HECW2: variants seen among roughly 807,000 people sequenced by gnomAD.
HECW2 encodes the protein HECT, C2 and WW domain containing E3 ubiquitin protein ligase 2.
In HECW2, 61 loss-of-function variants were observed where a neutral mutation model predicts 175.2. The observed-to-expected ratio is 0.35, with a 90% CI of 0.28 to 0.43. HECW2 has a LOEUF of 0.43. HECW2 is among the 20% of genes least tolerant of loss of function. HECW2 has a pLI of 1.00. For synonymous variants in HECW2, 671 were observed against 731.0 expected (o/e 0.92, Z 1.32); for missense variants, 1,524 against 2,000.5 (o/e 0.76, Z 4.54).
intron 14 of HECW2, among the ~76,000 whole-genome samples, chr2:196,281,577 T>C (rs571096140): frequency 6.3e-4 from 88 of 139,410 alleles, no homozygotes; most frequent in African/African-American, 2.2e-3. Context: ...GAGGTGGTGA[T>C]TGCAGTGAGC....
At chr2:196,245,624 T>TG (rs1688618201) in intron 19 of HECW2, among the ~76,000 whole-genome samples, 1 of 152,058 alleles carries the variant, frequency 6.6e-6, no homozygotes, top group African/African-American at 2.4e-5. Context: ...CCCACGTAAG[T>TG]GTTAGCTGTT....
rs534547325 is a variant in HECW2, at chr2:196,588,561, A to C, written c.-36+4947T>G. 1.1e-3 allele frequency among the ~76,000 whole-genome samples: 172 copies of C among 152,362 alleles called. 1 individual carries two copies. Among genetic ancestry groups the C allele is most frequent in the Non-Finnish European group, 1.8e-3 (125 of 68,034 alleles). On this transcript the variant is annotated intron_variant, in intron 1 of 28. Coordinates refer to ENST00000644978, the MANE Select transcript of HECW2 (RefSeq NM_001348768.2). ...AATGAAAGAGATAAGGAAGGGCATA[A>C]ATTTCCAATTACCAGGACTTCTTAA...
intron 3 of HECW2, among the ~76,000 whole-genome samples, chr2:196,334,788 A>G (rs1160070901): frequency 6.6e-6 from 1 of 152,234 alleles, no homozygotes; most frequent in African/African-American, 2.4e-5. Flanking sequence ...GAATGGGACT[A>G]GCTGGCATTT....
chr2:196,237,081 T>C (rs768335137), intron 21 of HECW2, among the ~76,000 whole-genome samples: 16 of 152,220 alleles, frequency 1.1e-4, no homozygotes, highest in Non-Finnish European at 1.9e-4. Context: ...CCAAATTACA[T>C]CATGTGCCTA....
rs1689125487 is a variant in HECW2 at position 196,257,867 on chromosome 2, T to G, written c.3375A>C (p.Gly1125=). The G allele has an allele frequency of 6.2e-7, 1 of 1,613,968 alleles. No individual in the cohort carries two copies. Among genetic ancestry groups the G allele is most frequent in the African/African-American group, 1.3e-5 (1 of 74,922 alleles). ...IQFIRTEGTP[G]LVRLSSDADL... ...CTGCATCGCTTGAAAGGCGCACCAA[T>G]CCTGGAGTCCCTTCAGTTCGGATAA... The change falls in exon 18 of 29, where the codon GGA becomes GGC. Residue 1125 remains glycine, a synonymous_variant. Transcript: ENST00000644978.
intron 20 of HECW2, among the ~76,000 whole-genome samples, chr2:196,240,766 G>GTAAA (rs5837496): frequency 0.86 from 129,318 of 149,856 alleles, 56,427 homozygotes; most frequent in East Asian, 0.99. Flanking sequence ...AGAATCATTG[G>GTAAA]TAGAGTACCC....
At chr2:196,242,606 T>C (rs958445685) in intron 19 of HECW2, 1 of 160,886 alleles carries the variant, frequency 6.2e-6, no homozygotes, top group Admixed American at 6.3e-5. Context: ...AAGTACATGG[T>C]ATATAAGTAA....
At position 196,307,211 on chromosome 2, in the gene HECW2, T is replaced by C. The variant is rs748120551; in HGVS notation, c.2608A>G (p.Met870Val). The C allele has an allele frequency of 6.2e-7, 1 of 1,612,982 alleles. No individual in the cohort carries two copies. The highest frequency in any genetic ancestry group is 1.7e-5 in the Admixed American group (1 of 60,030). ...TTTTCCTCAGGCCTCTCATTGGTCATGGTTCTGCGGATACTCTGATATCTA... is the reference window on the plus strand; with the variant it reads ...TTTTCCTCAGGCCTCTCATTGGTCACGGTTCTGCGGATACTCTGATATCTA... ...NRRYQSIRRT[M>V]TNERPEENTN... The change falls in exon 12 of 29, where the codon ATG becomes GTG. Residue 870 changes from methionine (M) to valine (V), a missense_variant. Physicochemically the swap from Met to Val is conservative, Grantham distance 21 (BLOSUM62 1). This residue lies in a region of HECW2 where 105 missense variants were observed against 98.1 expected (regional missense o/e 1.07). Coordinates refer to ENST00000644978, the MANE Select transcript of HECW2 (RefSeq NM_001348768.2).
chr2:196,550,438 T>A (rs1689573157), intron 1 of HECW2, among the ~76,000 whole-genome samples: 1 of 151,672 alleles, frequency 6.6e-6, no homozygotes, highest in Non-Finnish European at 1.5e-5. Context: ...AAAAAAAAAA[T>A]TAAGAAACAT....
chr2:196,324,749 T>C (rs1022886915), intron 6 of HECW2, among the ~76,000 whole-genome samples: 15 of 152,194 alleles, frequency 9.9e-5, no homozygotes, highest in African/African-American at 3.4e-4. Flanking sequence ...ATTTTAACAA[T>C]TGAGTTTTTT....
intron 3 of HECW2, among the ~76,000 whole-genome samples, chr2:196,340,204 C>G (rs1692696167): frequency 6.6e-6 from 1 of 152,114 alleles, no homozygotes; most frequent in Non-Finnish European, 1.5e-5. Flanking sequence ...AATCTCTTCA[C>G]AATTTTAAAA....
At chr2:196,203,171 G>A (rs970751339) in intron 28 of HECW2, among the ~76,000 whole-genome samples, 4 of 152,054 alleles carry the variant, frequency 2.6e-5, no homozygotes, top group South Asian at 4.1e-4. Context: ...AGATAGTACC[G>A]ACTCACCCAC....
chr2:196,546,481 C>A (rs1689426924), intron 1 of HECW2, among the ~76,000 whole-genome samples: 1 of 152,206 alleles, frequency 6.6e-6, no homozygotes, highest in Admixed American at 6.5e-5. Flanking sequence ...TGGTTTCAAG[C>A]ATCAAGGAAG....
intron 1 of HECW2, among the ~76,000 whole-genome samples, chr2:196,573,874 A>AC (rs1690469141): frequency 1.3e-5 from 2 of 152,070 alleles, no homozygotes; most frequent in Non-Finnish European, 2.9e-5. Context: ...CAACAACAAA[A>AC]AAAAAACAGT....
chr2:196,318,087 A>G (rs1691770890), intron 9 of HECW2, among the ~76,000 whole-genome samples: 1 of 152,242 alleles, frequency 6.6e-6, no homozygotes, highest in Non-Finnish European at 1.5e-5. Flanking sequence ...TTTGCAGATT[A>G]CACTAAGGTT....
rs1185069526 is a variant in HECW2 at position 196,312,768 on chromosome 2, T to G, written c.2434+4506A>C. ...AGTTGCATATTTGGCACTTTAATCTTCAATTTTTAATAAGGTAGCTTTTTA... is the reference window on the plus strand; with the variant it reads ...AGTTGCATATTTGGCACTTTAATCTGCAATTTTTAATAAGGTAGCTTTTTA... On this transcript the variant is annotated intron_variant, in intron 10 of 28. Coordinates refer to ENST00000644978, the MANE Select transcript of HECW2 (RefSeq NM_001348768.2). 2.0e-5 allele frequency among the ~76,000 whole-genome samples: 3 copies of G among 152,258 alleles called. No individual in the cohort carries two copies. In the East Asian group the frequency reaches 5.8e-4, roughly 29 times the overall value.
rs541797703 is a variant in HECW2 at position 196,438,742 on chromosome 2, T to C, written c.-35-5284A>G. Reference sequence around the variant, plus strand: ...GAGCCAAATCTCTAATAGGAATCATTGTTCAATCCTGTTATATGAAGACAT... The same window carrying C: ...GAGCCAAATCTCTAATAGGAATCATCGTTCAATCCTGTTATATGAAGACAT... On this transcript the variant is annotated intron_variant, in intron 1 of 28. Transcript: ENST00000644978. 2.6e-5 allele frequency among the ~76,000 whole-genome samples: 4 copies of C among 152,380 alleles called. No individual in the cohort carries two copies. The South Asian group carries it at 8.3e-4, about 32-fold the overall frequency.
chr2:196,256,805 T>G (rs1052869734), intron 18 of HECW2, among the ~76,000 whole-genome samples: 1 of 152,164 alleles, frequency 6.6e-6, no homozygotes. Flanking sequence ...GGCCACCCAT[T>G]AGGTTGAGAA....
chr2:196,358,528 G>A (rs920450023), intron 2 of HECW2, among the ~76,000 whole-genome samples: 1 of 136,372 alleles, frequency 7.3e-6, no homozygotes, highest in African/African-American at 2.7e-5. Context: ...GGAGGTTGCA[G>A]TGAGCCGAGA....
Sources: allele counts gnomAD v4.1 joint callset (sites outside exome capture counted in the v4.1 genomes callset), GRCh38; gene constraint gnomAD v4.1.1; regional missense constraint gnomAD v4.1.1; transcripts MANE v1.5; gene names NCBI Gene and HGNC (gene_info 2026-07-23, HGNC 2026-07-21).